ZNF473: variants seen among roughly 807,000 people sequenced by gnomAD.
The protein encoded by ZNF473 is zinc finger protein 100 homolog.
Under a neutral mutation model 11.1 loss-of-function variants are expected in ZNF473, and 4 were observed. That is an observed-to-expected ratio of 0.36 (90% CI 0.18 to 0.82). The LOEUF (loss-of-function observed/expected upper bound fraction) is 0.82. ZNF473 is among the 40% of genes least tolerant of loss of function. The pLI is 0.49. For synonymous variants in ZNF473, 404 were observed against 390.4 expected, an observed-to-expected ratio of 1.03 and a Z score of -0.41; for missense variants, 854 against 1,084.0, an observed-to-expected ratio of 0.79 and a Z score of 2.98.
chr19:50,045,001 T>C lies in ZNF473; in HGVS notation c.558T>C (p.Tyr186=). The C allele has an allele frequency of 1.2e-6, 2 of 1,614,196 alleles. No homozygotes were observed. Among genetic ancestry groups the C allele is most frequent in the Non-Finnish European group, 8.5e-7 (1 of 1,180,038 alleles). Residue 186 remains tyrosine (Y), a synonymous_variant, in exon 5 of 5, where the codon TAT becomes TAC. Transcript: ENST00000270617. ...TCACACCAGCTAAGTCTAAGGAATA[T>C]AGGGGTGAGTTTTTCTCCTACTCCG... ...KTLTPAKSKE[Y]RGEFFSYSDH...
At chr19:50,032,622 C>T (rs1001393525) in intron 2 of ZNF473, among the ~76,000 whole-genome samples, 10 of 152,120 alleles carry the variant, frequency 6.6e-5, no homozygotes, top group Non-Finnish European at 1.2e-4. Flanking sequence ...TACTTTATTG[C>T]GGGTGACAGT....
rs28372453 is a variant in ZNF473, at chr19:50,039,546, C to T, written c.136+259C>T. ...AGGCTGCCACACATCCTACAGTGCA[C>T]AGCACAGCCCCACAACCAAGGATTG... is the stretch of plus-strand genomic sequence containing the variant. On this transcript the variant is annotated intron_variant, in intron 3 of 4. Coordinates refer to ENST00000270617, the MANE Select transcript of ZNF473 (RefSeq NM_015428.4). The surrounding 1 kb of genome is among the most constrained non-coding windows in gnomAD (Gnocchi z 4.8). Among the ~76,000 whole-genome samples, 2,395 of 152,376 alleles carry T rather than the reference C, an allele frequency of 0.016. 65 individuals carry two copies. Among genetic ancestry groups the T allele is most frequent in the African/African-American group, 0.055 (2,299 of 41,584 alleles).
At chr19:50,031,166 C>G in intron 2 of ZNF473, 75 bp downstream of exon 2, 1 of 1,539,330 alleles carries the variant, frequency 6.5e-7, no homozygotes, top group South Asian at 1.2e-5. Context: ...GTGGCCGAGG[C>G]GAGTTGAAGG....
chr19:50,041,020 G>A (rs1978738586), intron 3 of ZNF473: 1 of 152,220 alleles, frequency 6.6e-6, no homozygotes. Context: ...AAACACAGTG[G>A]CTTCCACCAG....
chr19:50,048,640 A>T lies in ZNF473; in HGVS notation c.*1581A>T, dbSNP rs1325352204. On this transcript the variant is annotated 3_prime_UTR_variant, in exon 5 of 5. Coordinates refer to ENST00000270617, the MANE Select transcript of ZNF473 (RefSeq NM_015428.4). ...GTTGCAGGGCTGTGACACAATAGGG[A>T]CTCTATGGAAAACTGGCAGCCATTG... 6.6e-6 allele frequency: 1 copy of T among 152,098 alleles called. No individual in the cohort carries two copies. The highest frequency in any genetic ancestry group is 2.4e-5 in the African/African-American group (1 of 41,390). The allele number at this position is 152,098 out of a possible 1,614,324, so 9.4% of individuals were successfully genotyped here. A position where few individuals can be genotyped will look rare whatever the true frequency, so the allele number is the denominator to read the frequency against.
At chr19:50,036,771 C>T (rs551793977) in intron 2 of ZNF473, among the ~76,000 whole-genome samples, 57 of 152,248 alleles carry the variant, frequency 3.7e-4, no homozygotes, top group African/African-American at 1.1e-3. Flanking sequence ...CCATGTTATG[C>T]GTTGTGCCAT....
At chr19:50,026,183 TG>T (rs1269163784) in intron 1 of ZNF473, 61 bp downstream of exon 1, 1 of 152,740 alleles carries the variant, frequency 6.5e-6, no homozygotes, top group Non-Finnish European at 1.5e-5. Flanking sequence ...GGTGACGGAA[TG>T]CAAGTGGGGG....
intron 1 of ZNF473, among the ~76,000 whole-genome samples, chr19:50,028,087 A>G (rs2077296851): frequency 6.6e-6 from 1 of 152,002 alleles, no homozygotes; most frequent in South Asian, 2.1e-4. Flanking sequence ...TCACGAGGTC[A>G]GGAGATCGAG....
chr19:50,029,944 C>T (rs911396305), intron 1 of ZNF473, among the ~76,000 whole-genome samples: 29 of 151,956 alleles, frequency 1.9e-4, no homozygotes, highest in South Asian at 2.1e-4. Context: ...CTCTGCCTCC[C>T]GGGTTCAAGT....
chr19:50,044,690 T>C lies in ZNF473; in HGVS notation c.247T>C (p.Ser83Pro). ...TTCAGATGTGACTGAGACCAAGAACTCTCCTCTGATGGAGGATTTCTTCGA... is the reference window on the plus strand; with the variant it reads ...TTCAGATGTGACTGAGACCAAGAACCCTCCTCTGATGGAGGATTTCTTCGA... Reference protein sequence around the residue: ...TSPDVTETKNSPLMEDFFEEG... With the variant: ...TSPDVTETKNPPLMEDFFEEG... The change falls in exon 5 of 5, where the codon TCT becomes CCT. Residue 83 changes from serine (S) to proline (P), a missense_variant. Coordinates refer to ENST00000270617, the MANE Select transcript of ZNF473 (RefSeq NM_015428.4). 1.9e-6 allele frequency: 3 copies of C among 1,611,436 alleles called. No individual in the cohort carries two copies. Among genetic ancestry groups the C allele is most frequent in the Non-Finnish European group, 2.5e-6 (3 of 1,178,724 alleles).
Position 50,046,939 on chromosome 19 carries a change from C to T in ZNF473, c.2496C>T (p.His832=), listed in dbSNP as rs763329881. The change falls in exon 5 of 5, where the codon CAC becomes CAT. Residue 832 remains histidine (H), a synonymous_variant. Coordinates refer to ENST00000270617, the MANE Select transcript of ZNF473 (RefSeq NM_015428.4). This position sits in a 1 kb window ranked among gnomAD's most constrained non-coding sequence, Gnocchi z 5.9. ...TCCTCAGTGCCCATCTCAACCAGCA[C>T]CTGAGAGTTCACACCCAGGAGACAC... is the stretch of plus-strand genomic sequence containing the variant. ...AFVLSAHLNQ[H]LRVHTQETLY... is the part of the protein sequence containing the mutation. 6.2e-7 allele frequency: 1 copy of T among 1,614,196 alleles called. No individual in the cohort carries two copies. Among genetic ancestry groups the T allele is most frequent in the Non-Finnish European group, 8.5e-7 (1 of 1,180,036 alleles).
intron 2 of ZNF473, among the ~76,000 whole-genome samples, chr19:50,035,891 G>A (rs1568406162): frequency 6.6e-6 from 1 of 152,174 alleles, no homozygotes; most frequent in South Asian, 2.1e-4. Flanking sequence ...TGGGGATTGT[G>A]TAGCAGATGG....
rs1225240322 is a variant in ZNF473, at chr19:50,045,699, A to G, written c.1256A>G (p.Lys419Arg). 8 of 1,614,036 alleles carry G rather than the reference A, an allele frequency of 5.0e-6. No homozygotes were observed. Among genetic ancestry groups the G allele is most frequent in the Non-Finnish European group, 6.8e-6 (8 of 1,180,032 alleles). ...GKSFRHNSTL[K>R]IHQRVHSGEK... ...TCCTTCAGGCATAACTCTACCCTAA[A>G]GATCCATCAGAGGGTTCACAGTGGA... The change falls in exon 5 of 5, where the codon AAG becomes AGG. Residue 419 changes from lysine to arginine, a missense_variant. Physicochemically the swap from Lys to Arg is conservative, Grantham distance 26 (BLOSUM62 2). This residue lies in a region of ZNF473 where 668 missense variants were observed against 790.2 expected (regional missense o/e 0.85). Coordinates refer to ENST00000270617, the MANE Select transcript of ZNF473 (RefSeq NM_015428.4).
In ZNF473 at chr19:50,038,683, C is replaced by T. The variant is rs117076385; in HGVS notation, c.10-478C>T. Among the ~76,000 whole-genome samples, 730 of 152,276 alleles carry T rather than the reference C, an allele frequency of 4.8e-3. 7 individuals carry two copies. The highest frequency in any genetic ancestry group is 0.014 in the Middle Eastern group (4 of 294). On this transcript the variant is annotated intron_variant, in intron 2 of 4. Transcript: ENST00000270617. ...CTATAAAGACACACCACTGAGATGT[C>T]AGACTAATCTGTATACAGATTTTGA...
chr19:50,047,781 T>C lies in ZNF473; in HGVS notation c.*722T>C, dbSNP rs915977114. On this transcript the variant is annotated 3_prime_UTR_variant, in exon 5 of 5. Coordinates refer to ENST00000270617, the MANE Select transcript of ZNF473 (RefSeq NM_015428.4). ...GAGGACTCCCTATCCCACAAACACA[T>C]GCTCCCTCTTCCTATGACCTTCCTC... 2.6e-5 allele frequency: 4 copies of C among 152,382 alleles called. No homozygotes were observed. Among genetic ancestry groups the C allele is most frequent in the South Asian group, 2.1e-4 (1 of 4,832 alleles). 9.4% of individuals were successfully genotyped at this position (152,382 alleles called of 1,614,324 possible). A position where few individuals can be genotyped will look rare whatever the true frequency, so the allele number is the denominator to read the frequency against.
chr19:50,043,682 T>G (rs1442874617), intron 4 of ZNF473, among the ~76,000 whole-genome samples: 1 of 151,798 alleles, frequency 6.6e-6, no homozygotes, highest in Non-Finnish European at 1.5e-5. Flanking sequence ...CAGTGGAAGG[T>G]CCCCATTAAA....
chr19:50,039,274 C>T lies in ZNF473; in HGVS notation c.123C>T (p.Asp41=). ...FWDTALDNCQ[D]LFLLDPPRPN... ...ACACAGCGTTGGACAATTGCCAGGA[C>T]CTCTTCCTGCTGGGTGAGTGTTGCC... The change falls in exon 3 of 5, where the codon GAC becomes GAT. Residue 41 remains aspartate (D), a synonymous_variant. Coordinates refer to ENST00000270617, the MANE Select transcript of ZNF473 (RefSeq NM_015428.4). This position sits in a 1 kb window ranked among gnomAD's most constrained non-coding sequence, Gnocchi z 4.8. 1 of 1,614,072 alleles carries T rather than the reference C, an allele frequency of 6.2e-7. No homozygotes were observed. The highest frequency in any genetic ancestry group is 1.1e-5 in the South Asian group (1 of 91,090).
intron 2 of ZNF473, among the ~76,000 whole-genome samples, chr19:50,032,490 A>C (rs978880348): frequency 6.6e-6 from 1 of 152,062 alleles, no homozygotes; most frequent in Non-Finnish European, 1.5e-5. Context: ...CAAAACAGCT[A>C]TCAGGACCAT....
rs1428748810 is a variant in ZNF473 at position 50,047,017 on chromosome 19, C to A, written c.2574C>A (p.Ser858Arg). The change falls in exon 5 of 5, where the codon AGC becomes AGA. Residue 858 changes from serine (S) to arginine (R), a missense_variant. This residue lies in a region of ZNF473 where 186 missense variants were observed against 293.8 expected (regional missense o/e 0.63). Coordinates refer to ENST00000270617, the MANE Select transcript of ZNF473 (RefSeq NM_015428.4). ...QKAFRCHSSLSRHQRVHNKQQ... is the reference protein window; with the variant it reads ...QKAFRCHSSLRRHQRVHNKQQ... ...CCTTTCGGTGCCACTCGAGCCTCAG[C>A]CGCCATCAGCGTGTACACAACAAGC... The A allele has an allele frequency of 5.0e-6, 8 of 1,613,730 alleles. No homozygotes were observed. The highest frequency in any genetic ancestry group is 6.8e-6 in the Non-Finnish European group (8 of 1,180,004).
Sources: allele counts gnomAD v4.1 joint callset (sites outside exome capture counted in the v4.1 genomes callset), GRCh38; gene constraint gnomAD v4.1.1; regional missense constraint gnomAD v4.1.1; non-coding constraint Gnocchi (gnomAD v3.1); transcripts MANE v1.5; gene names NCBI Gene and HGNC (gene_info 2026-07-23, HGNC 2026-07-21).